The following AXIN1 variants were observed in gnomAD, a reference collection of about 807,000 sequenced individuals.
AXIN1 encodes the protein axin 1.
A neutral mutation model predicts 76.4 loss-of-function variants in AXIN1; 30 were observed. The observed-to-expected ratio is 0.39, with a 90% confidence interval of 0.29 to 0.53. The LOEUF (loss-of-function observed/expected upper bound fraction) is 0.53. Ranked by LOEUF, AXIN1 falls within the 20% of genes least tolerant of loss-of-function variation. AXIN1 has a pLI of 0.66. For synonymous variants in AXIN1, 545 were observed against 501.4 expected, an observed-to-expected ratio of 1.09 and a Z score of -1.16; for missense variants, 1,140 against 1,198.8, an observed-to-expected ratio of 0.95 and a Z score of 0.72.
chr16:306,389 C>CA (rs2053026141), intron 4 of AXIN1, among the ~76,000 whole-genome samples: 1 of 152,226 alleles, frequency 6.6e-6, no homozygotes, highest in South Asian at 2.1e-4. Flanking sequence ...TCCAGGCCGC[C>CA]AGTGTCTAAG....
At chr16:322,383 C>T (rs567678675) in intron 2 of AXIN1, among the ~76,000 whole-genome samples, 13 of 152,310 alleles carry the variant, frequency 8.5e-5, no homozygotes, top group South Asian at 4.1e-4. Flanking sequence ...TGTACCTGCC[C>T]GCAGTGGAGT....
chr16:326,394 T>TATATATATATATATATACACACAC (rs144093618), intron 2 of AXIN1, among the ~76,000 whole-genome samples: 15 of 119,662 alleles, frequency 1.3e-4, no homozygotes, highest in African/African-American at 3.2e-4. Context: ...TATATATATA[T>TATATATATATATATATACACACAC]ACACACCTAT....
rs1596997305 is a variant in AXIN1 at position 297,793 on chromosome 16, A to G, written c.1713T>C (p.His571=). ...CTGAGTAGCCTCGGGACCTTGCCCCATGGCTGTGTGGTTCCAGGCCCCAGG... is the reference window on the plus strand; with the variant it reads ...CTGAGTAGCCTCGGGACCTTGCCCCGTGGCTGTGTGGTTCCAGGCCCCAGG... ...SFAWGLEPHS[H]GARSRGYSES... The change falls in exon 6 of 11, where the codon CAT becomes CAC. Residue 571 remains histidine, a synonymous_variant. Transcript: ENST00000262320. 1 of 1,567,736 alleles carries G rather than the reference A, an allele frequency of 6.4e-7. No homozygotes were observed. Among genetic ancestry groups the G allele is most frequent in the South Asian group, 1.2e-5 (1 of 84,902 alleles).
rs755668627 is a variant in AXIN1, at chr16:293,622, C to T, written c.2052G>A (p.Gln684=). The T allele has an allele frequency of 1.2e-6, 2 of 1,613,418 alleles. No homozygotes were observed. Among genetic ancestry groups the T allele is most frequent in the Non-Finnish European group, 1.7e-6 (2 of 1,179,974 alleles). Residue 684 remains glutamine (Q), a synonymous_variant, in exon 8 of 11, where the codon CAG becomes CAA. Transcript: ENST00000262320. The surrounding 1 kb of genome is among the most constrained non-coding windows in gnomAD (Gnocchi z 4.6). The stretch of plus-strand genomic sequence containing the variant: ...GGTCTTGGATGAAGAGGTGGGAGGG[C>T]TGCACGGAGGTCCGGAGCTGAGGGC... ...WAGPQLRTSV[Q]PSHLFIQDPT...
chr16:329,096 G>A (rs538655269), intron 2 of AXIN1, among the ~76,000 whole-genome samples: 1 of 152,112 alleles, frequency 6.6e-6, no homozygotes, highest in Admixed American at 6.5e-5. Context: ...TGACCGACAT[G>A]GTGAAACCCT....
intron 2 of AXIN1, among the ~76,000 whole-genome samples, chr16:338,384 G>T (rs1463296689): frequency 6.6e-6 from 1 of 152,244 alleles, no homozygotes; most frequent in Admixed American, 6.5e-5. Flanking sequence ...CAGGCACACA[G>T]TCTCATCGGC....
chr16:325,100 A>G (rs1336528845), intron 2 of AXIN1, among the ~76,000 whole-genome samples: 1 of 151,016 alleles, frequency 6.6e-6, no homozygotes, highest in South Asian at 2.1e-4. Context: ...CCATGGCCTC[A>G]GCCCCGCGGG....
chr16:319,093 C>G (rs778041984), intron 2 of AXIN1, among the ~76,000 whole-genome samples: 1 of 152,186 alleles, frequency 6.6e-6, no homozygotes, highest in Non-Finnish European at 1.5e-5. Flanking sequence ...TGCCAGGACT[C>G]AGGCAGAGTC....
rs1344464736 is a variant in AXIN1 at position 297,042 on chromosome 16, T to C, written c.1955+14A>G. 3 of 1,609,188 alleles carry C rather than the reference T, an allele frequency of 1.9e-6. No individual in the cohort carries two copies. The highest frequency in any genetic ancestry group is 2.5e-6 in the Non-Finnish European group (3 of 1,179,850). On this transcript the variant is annotated intron_variant, in intron 7 of 10. Transcript: ENST00000262320. ...AGCAGGCCCCACGAGGCTGGCTGCGTGCGGGGTGCTCACCCGTGGCCGGTC... is the reference window on the plus strand; with the variant it reads ...AGCAGGCCCCACGAGGCTGGCTGCGCGCGGGGTGCTCACCCGTGGCCGGTC...
chr16:333,331 T>C (rs1440477756), intron 2 of AXIN1, among the ~76,000 whole-genome samples: 2 of 144,002 alleles, frequency 1.4e-5, no homozygotes, highest in African/African-American at 5.2e-5. Flanking sequence ...AAATTCCATC[T>C]CGAAAAAAAA....
At chr16:317,681 G>A (rs1283586620) in intron 2 of AXIN1, among the ~76,000 whole-genome samples, 1 of 152,220 alleles carries the variant, frequency 6.6e-6, no homozygotes, top group African/African-American at 2.4e-5. Context: ...ACCTGACATA[G>A]AGCAGATAAA....
intron 5 of AXIN1, among the ~76,000 whole-genome samples, chr16:302,691 T>A (rs1428362807): frequency 6.6e-6 from 1 of 151,912 alleles, no homozygotes; most frequent in East Asian, 1.9e-4. Context: ...TACCGAGGGG[T>A]CTCCTGTGGT....
chr16:348,382 G>A (rs545632670), intron 1 of AXIN1, among the ~76,000 whole-genome samples: 65 of 152,318 alleles, frequency 4.3e-4, no homozygotes, highest in African/African-American at 1.5e-3. Context: ...ACTGAAGGGG[G>A]ATCTATCCCC....
At chr16:340,034 T>G (rs1237214562) in intron 2 of AXIN1, among the ~76,000 whole-genome samples, 4 of 150,512 alleles carry the variant, frequency 2.7e-5, no homozygotes, top group Non-Finnish European at 5.9e-5. Flanking sequence ...TTTCTTTTTC[T>G]TCTTCTTCTT....
chr16:346,049 C>T (rs767486931), intron 2 of AXIN1, 99 bp downstream of exon 2: 222 of 1,190,604 alleles, frequency 1.9e-4, no homozygotes, highest in Admixed American at 7.3e-4. Context: ...GCAGGACATC[C>T]GGTGTGGGTT....
intron 2 of AXIN1, among the ~76,000 whole-genome samples, chr16:328,152 G>A (rs2053619954): frequency 6.6e-6 from 1 of 152,196 alleles, no homozygotes; most frequent in Non-Finnish European, 1.5e-5. Context: ...AGCATTTTGG[G>A]AGGCTGAGGT....
chr16:340,566 A>G (rs1296887581), intron 2 of AXIN1, among the ~76,000 whole-genome samples: 1 of 152,236 alleles, frequency 6.6e-6, no homozygotes, highest in Non-Finnish European at 1.5e-5. Context: ...CCTCCCGCCC[A>G]ACACTCAGTC....
At chr16:299,441 C>G (rs1202487371) in intron 5 of AXIN1, among the ~76,000 whole-genome samples, 1 of 151,974 alleles carries the variant, frequency 6.6e-6, no homozygotes, top group African/African-American at 2.4e-5. Context: ...CAACCTCCAC[C>G]TCCCGGGCTC....
chr16:332,715 G>A (rs569337240), intron 2 of AXIN1, among the ~76,000 whole-genome samples: 16 of 145,572 alleles, frequency 1.1e-4, no homozygotes, highest in African/African-American at 3.8e-4. Context: ...AGAAAGCAAG[G>A]GCAGGAAAAA....
Sources: allele counts gnomAD v4.1 joint callset (sites outside exome capture counted in the v4.1 genomes callset), GRCh38; gene constraint gnomAD v4.1.1; non-coding constraint Gnocchi (gnomAD v3.1); transcripts MANE v1.5; gene names NCBI Gene and HGNC (gene_info 2026-07-23, HGNC 2026-07-21).